PLXDC2: variants seen among roughly 807,000 people sequenced by gnomAD.
PLXDC2 encodes the protein plexin domain-containing protein 2.
PLXDC2 carries 40 observed loss-of-function variants against 68.9 expected under a neutral mutation model. The ratio of observed to expected loss-of-function variants is 0.58; its 90% confidence interval spans 0.45 to 0.76. The LOEUF is 0.76. Ranked by LOEUF, PLXDC2 falls within the 30% of genes least tolerant of loss-of-function variation. The probability of loss-of-function intolerance (pLI) is 0.00; values close to 1 mark genes in which losing one functional copy is unlikely to be tolerated. For missense variants in PLXDC2, 644 were observed against 661.9 expected (o/e 0.97, Z 0.30); for synonymous variants, 243 against 234.2 (o/e 1.04, Z -0.34).
chr10:20,191,461 G>A (rs542219544), intron 9 of PLXDC2, among the ~76,000 whole-genome samples: 123 of 151,476 alleles, frequency 8.1e-4, no homozygotes, highest in Non-Finnish European at 1.4e-3. Flanking sequence ...CTAAAATAAT[G>A]TCTTCTGATC....
intron 1 of PLXDC2, among the ~76,000 whole-genome samples, chr10:19,878,015 T>A (rs905317456): frequency 2.6e-5 from 4 of 152,226 alleles, no homozygotes; most frequent in African/African-American, 9.6e-5. Flanking sequence ...TTTGAGAATA[T>A]GCATAGTAAA....
At chr10:19,986,499 C>T (rs1026513927) in intron 1 of PLXDC2, among the ~76,000 whole-genome samples, 4 of 150,512 alleles carry the variant, frequency 2.7e-5, no homozygotes, top group African/African-American at 9.8e-5. Flanking sequence ...AAAGCATTCT[C>T]TCAGCATTCC....
At chr10:19,882,424 T>G (rs185542306) in intron 1 of PLXDC2, among the ~76,000 whole-genome samples, 1 of 152,194 alleles carries the variant, frequency 6.6e-6, no homozygotes, top group Non-Finnish European at 1.5e-5. Context: ...CGAGGAAATG[T>G]TTAGGTTAAT....
At chr10:20,115,662 T>C (rs1180542722) in intron 4 of PLXDC2, among the ~76,000 whole-genome samples, 2 of 152,216 alleles carry the variant, frequency 1.3e-5, no homozygotes, top group African/African-American at 4.8e-5. Context: ...CTCTAGAACA[T>C]TTTGTCTACG....
At chr10:20,033,967 TA>T in intron 2 of PLXDC2, among the ~76,000 whole-genome samples, 1 of 152,244 alleles carries the variant, frequency 6.6e-6, no homozygotes, top group Non-Finnish European at 1.5e-5. Flanking sequence ...AAATCTATTG[TA>T]ATTTTGTTTT....
At chr10:20,136,517 C>T (rs559521740) in intron 4 of PLXDC2, among the ~76,000 whole-genome samples, 2 of 152,166 alleles carry the variant, frequency 1.3e-5, no homozygotes, top group South Asian at 2.1e-4. Flanking sequence ...ACTGCAAACC[C>T]GCAGTTAAAT....
At chr10:20,263,052 C>T (rs1323776461) in intron 13 of PLXDC2, among the ~76,000 whole-genome samples, 1 of 152,198 alleles carries the variant, frequency 6.6e-6, no homozygotes, top group African/African-American at 2.4e-5. Flanking sequence ...CTCCAAAAAG[C>T]AATCCTGAGC....
At chr10:19,887,452 G>A (rs1465153007) in intron 1 of PLXDC2, among the ~76,000 whole-genome samples, 2 of 152,118 alleles carry the variant, frequency 1.3e-5, no homozygotes, top group Non-Finnish European at 2.9e-5. Context: ...AACCCAGGAG[G>A]CAGAGGTTGC....
chr10:20,108,411 G>A (rs182317283), intron 4 of PLXDC2, among the ~76,000 whole-genome samples: 1 of 152,262 alleles, frequency 6.6e-6, no homozygotes, highest in Admixed American at 6.5e-5. Context: ...CAGCATTAAA[G>A]GGAAAAATCA....
intron 4 of PLXDC2, among the ~76,000 whole-genome samples, chr10:20,083,658 C>A (rs904439352): frequency 6.6e-6 from 1 of 152,060 alleles, no homozygotes; most frequent in Non-Finnish European, 1.5e-5. Flanking sequence ...AAAGAGTATG[C>A]AGTATAAAGC....
At chr10:19,994,218 A>G (rs1834800462) in intron 1 of PLXDC2, among the ~76,000 whole-genome samples, 1 of 149,044 alleles carries the variant, frequency 6.7e-6, no homozygotes, top group Non-Finnish European at 1.5e-5. Context: ...CATCTTGGAT[A>G]AAGAGAAGCT....
At chr10:20,214,567 G>A (rs1835111529) in intron 10 of PLXDC2, among the ~76,000 whole-genome samples, 1 of 152,076 alleles carries the variant, frequency 6.6e-6, no homozygotes, top group African/African-American at 2.4e-5. Context: ...TGTCTTTATA[G>A]CACATAGCTT....
At chr10:20,173,162 A>G (rs1834472629) in intron 7 of PLXDC2, among the ~76,000 whole-genome samples, 1 of 152,206 alleles carries the variant, frequency 6.6e-6, no homozygotes, top group Non-Finnish European at 1.5e-5. Context: ...TATTTCCATT[A>G]AAGAGTACTC....
intron 7 of PLXDC2, 138 bp downstream of exon 7, chr10:20,164,705 G>T: frequency 1.4e-6 from 1 of 710,250 alleles, no homozygotes; most frequent in Non-Finnish European, 2.5e-6. Context: ...TAATTCTGTT[G>T]TTTGCTTTAT....
At chr10:19,834,329 T>TAGAGAGAG (rs72293743) in intron 1 of PLXDC2, among the ~76,000 whole-genome samples, 3 of 145,314 alleles carry the variant, frequency 2.1e-5, no homozygotes, top group East Asian at 2.1e-4. Flanking sequence ...AAGAGAGAGG[T>TAGAGAGAG]AGAGAGAGAG....
chr10:19,823,476 G>T (rs1836515560), intron 1 of PLXDC2, among the ~76,000 whole-genome samples: 1 of 151,396 alleles, frequency 6.6e-6, no homozygotes, highest in Non-Finnish European at 1.5e-5. Flanking sequence ...GAGGTCAGGA[G>T]ATCAAGACCA....
At chr10:20,145,891 T>C (rs1213311668) in intron 5 of PLXDC2, among the ~76,000 whole-genome samples, 1 of 152,128 alleles carries the variant, frequency 6.6e-6, no homozygotes, top group Non-Finnish European at 1.5e-5. Flanking sequence ...TAACAAAATA[T>C]TAGGAATCCC....
At chr10:19,832,863 G>T (rs548417202) in intron 1 of PLXDC2, among the ~76,000 whole-genome samples, 5 of 152,300 alleles carry the variant, frequency 3.3e-5, no homozygotes, top group Admixed American at 2.0e-4. Flanking sequence ...CTAAAAGGAC[G>T]CTTTTGACGC....
chr10:19,958,713 T>C (rs945266319), intron 1 of PLXDC2, among the ~76,000 whole-genome samples: 2 of 152,214 alleles, frequency 1.3e-5, no homozygotes, highest in Admixed American at 1.3e-4. Flanking sequence ...GGAAGGGATT[T>C]TGTTTAAATT....
Sources: allele counts gnomAD v4.1 joint callset (sites outside exome capture counted in the v4.1 genomes callset), GRCh38; gene constraint gnomAD v4.1.1; transcripts MANE v1.5; gene names NCBI Gene and HGNC (gene_info 2026-07-23, HGNC 2026-07-21).